The following DENND6A variants were observed in gnomAD, a reference collection of about 807,000 sequenced individuals.
DENND6A encodes the protein protein DENND6A.
Under a neutral mutation model 95.5 loss-of-function variants are expected in DENND6A, and 43 were observed. The ratio of observed to expected loss-of-function variants is 0.45; its 90% confidence interval spans 0.35 to 0.58. DENND6A has a LOEUF of 0.58. DENND6A is among the 20% of genes least tolerant of loss of function. The pLI is 0.00. For synonymous variants in DENND6A, 257 were observed against 260.4 expected (o/e 0.99, Z 0.13); for missense variants, 574 against 736.0 (o/e 0.78, Z 2.55).
chr3:57,692,211 A>C (rs1373382269), intron 1 of DENND6A, among the ~76,000 whole-genome samples: 1 of 146,542 alleles, frequency 6.8e-6, no homozygotes, highest in Non-Finnish European at 1.5e-5. Flanking sequence ...CTGAGCAACA[A>C]GAGCAAAAAC....
chr3:57,629,177 C>T (rs568609259), intron 18 of DENND6A, among the ~76,000 whole-genome samples: 1 of 152,280 alleles, frequency 6.6e-6, no homozygotes, highest in South Asian at 2.1e-4. Context: ...CAAACTGTAA[C>T]AGTAACCCCC....
At chr3:57,630,221 A>T in intron 18 of DENND6A, 200 bp downstream of exon 18, 1 of 483,406 alleles carries the variant, frequency 2.1e-6, no homozygotes, top group South Asian at 4.5e-5. Flanking sequence ...ACCTACCTCA[A>T]AGAATCATTG....
intron 14 of DENND6A, among the ~76,000 whole-genome samples, chr3:57,633,998 TATC>T (rs1213461350): frequency 3.3e-5 from 5 of 152,146 alleles, no homozygotes; most frequent in African/African-American, 9.7e-5. Context: ...TGTTAGATGC[TATC>T]ATGGTAGAAT....
intron 19 of DENND6A, 30 bp from the exon 20 acceptor site, chr3:57,628,375 A>T (rs750366128): frequency 1.0e-5 from 16 of 1,606,922 alleles, no homozygotes; most frequent in African/African-American, 1.3e-5. Context: ...TAACATTTAA[A>T]TTATCCTCAG....
chr3:57,645,837 A>G, intron 10 of DENND6A, 81 bp from the exon 11 acceptor site: 1 of 961,418 alleles, frequency 1.0e-6, no homozygotes, highest in Non-Finnish European at 1.6e-6. Context: ...ATCTATACAA[A>G]CGGTATACAC....
chr3:57,673,233 G>GAAAA (rs2071650486), intron 1 of DENND6A, among the ~76,000 whole-genome samples: 1 of 93,654 alleles, frequency 1.1e-5, no homozygotes, highest in African/African-American at 3.4e-5. Flanking sequence ...AAAAAAAAAA[G>GAAAA]AAAGAAAAAG....
intron 3 of DENND6A, 40 bp downstream of exon 3, chr3:57,672,216 G>C (rs374494079): frequency 1.3e-6 from 2 of 1,539,718 alleles, no homozygotes; most frequent in African/African-American, 1.4e-5. Flanking sequence ...AGTATTCTTA[G>C]TATAAAATTA....
intron 9 of DENND6A, 58 bp from the exon 10 acceptor site, chr3:57,646,496 T>C: frequency 1.3e-6 from 2 of 1,537,114 alleles, no homozygotes; most frequent in Non-Finnish European, 1.8e-6. Context: ...GTTTTTAAAA[T>C]TCCTACATAA....
intron 4 of DENND6A, among the ~76,000 whole-genome samples, chr3:57,664,703 C>T (rs529122793): frequency 2.0e-5 from 3 of 152,118 alleles, no homozygotes; most frequent in East Asian, 1.9e-4. Flanking sequence ...TGTGGTGGCA[C>T]GTGCCTGTAA....
chr3:57,672,293 G>A lies in DENND6A; in HGVS notation c.282C>T (p.Thr94=), dbSNP rs768265622. ...CTGGAAAAGACAAATAGCAAATATT[G>A]GTTTTCTGAAAAAGAAAACAAAAGT... The part of the protein sequence containing the change: ...QHSKLTDREK[T]NICYLSFPDS... Residue 94 remains threonine (T), a synonymous_variant, in exon 3 of 20, where the codon ACC becomes ACT. Coordinates refer to ENST00000311128, the MANE Select transcript of DENND6A (RefSeq NM_152678.3). 6.2e-7 allele frequency: 1 copy of A among 1,609,380 alleles called. No individual in the cohort carries two copies. The highest frequency in any genetic ancestry group is 8.5e-7 in the Non-Finnish European group (1 of 1,178,578).
chr3:57,692,153 G>A (rs1255943577), intron 1 of DENND6A, among the ~76,000 whole-genome samples: 1 of 150,766 alleles, frequency 6.6e-6, no homozygotes, highest in Non-Finnish European at 1.5e-5. Flanking sequence ...GCCTGAATCC[G>A]GGAGGCAGAG....
chr3:57,635,855 C>A (rs576669958), intron 12 of DENND6A, among the ~76,000 whole-genome samples: 1 of 152,236 alleles, frequency 6.6e-6, no homozygotes, highest in South Asian at 2.1e-4. Flanking sequence ...GCCTCTGCCA[C>A]CCCTGAGTTA....
rs768695674 is a variant in DENND6A, at chr3:57,657,713, A to G, written c.785T>C (p.Ile262Thr). Residue 262 changes from isoleucine (I) to threonine (T), a missense_variant, in exon 9 of 20, where the codon ATT (isoleucine) becomes ACT (threonine). Physicochemically the swap from Ile to Thr is moderately conservative, Grantham distance 89. Around this residue, in one of 2 missense-constraint regions of DENND6A, gnomAD observed 452 missense variants for 630.9 expected, o/e 0.72. Transcript: ENST00000311128. ...TQQVDTNISV[I>T]LPTVHEVDIF... ...ATCCACCTCATGAACAGTAGGTAAA[A>G]TAACAGATATATTTGTGTCCACCTG... is the stretch of plus-strand genomic sequence containing the variant. 8.2e-6 allele frequency: 13 copies of G among 1,584,658 alleles called. No individual in the cohort carries two copies. Among genetic ancestry groups the G allele is most frequent in the Non-Finnish European group, 1.1e-5 (13 of 1,161,888 alleles).
At chr3:57,672,496 T>C in intron 1 of DENND6A, 58 bp from the exon 2 acceptor site, 2 of 1,548,408 alleles carry the variant, frequency 1.3e-6, no homozygotes, top group Non-Finnish European at 1.8e-6. Context: ...TATAAACATA[T>C]TATAGGCCAG....
chr3:57,663,040 G>A (rs985951714), intron 5 of DENND6A, among the ~76,000 whole-genome samples: 62 of 150,248 alleles, frequency 4.1e-4, no homozygotes, highest in African/African-American at 1.5e-3. Context: ...CAGCTACTCG[G>A]GAATACAGTA....
intron 15 of DENND6A, among the ~76,000 whole-genome samples, chr3:57,632,002 G>A (rs1286032940): frequency 1.3e-4 from 19 of 141,378 alleles, no homozygotes; most frequent in Middle Eastern, 8.9e-3. Flanking sequence ...GATTACAGGC[G>A]TGAGCCACCG....
chr3:57,641,508 G>C (rs1242695975), intron 12 of DENND6A, 145 bp downstream of exon 12: 1 of 468,086 alleles, frequency 2.1e-6, no homozygotes, highest in Non-Finnish European at 3.6e-6. Flanking sequence ...GCATATTTTA[G>C]TGGGAAATTA....
chr3:57,692,245 A>C (rs1193528283), intron 1 of DENND6A, among the ~76,000 whole-genome samples: 1 of 151,694 alleles, frequency 6.6e-6, no homozygotes, highest in Non-Finnish European at 1.5e-5. Context: ...AAAAAAAAAA[A>C]AAAAACAGAA....
At chr3:57,637,107 G>C (rs991709469) in intron 12 of DENND6A, among the ~76,000 whole-genome samples, 8 of 152,122 alleles carry the variant, frequency 5.3e-5, no homozygotes, top group Non-Finnish European at 1.2e-4. Flanking sequence ...TCTGGTCCAA[G>C]AATACTGCAC....
Sources: allele counts gnomAD v4.1 joint callset (sites outside exome capture counted in the v4.1 genomes callset), GRCh38; gene constraint gnomAD v4.1.1; regional missense constraint gnomAD v4.1.1; transcripts MANE v1.5; gene names NCBI Gene and HGNC (gene_info 2026-07-23, HGNC 2026-07-21).